Variants in APC2 observed in about 807,000 individuals in gnomAD.
APC2 encodes the protein APC regulator of Wnt signaling pathway 2, also known as adenomatous polyposis coli protein 2.
APC2 carries 41 observed loss-of-function variants against 72.5 expected under a neutral mutation model. The observed-to-expected ratio is 0.57, with a 90% confidence interval of 0.44 to 0.73. APC2 has a LOEUF of 0.73. APC2 is among the 30% of genes least tolerant of loss of function. APC2 has a pLI of 0.00. For missense variants in APC2, 3,729 were observed against 3,403.4 expected (o/e 1.10, Z -2.38); for synonymous variants, 1,898 against 1,612.0 (o/e 1.18, Z -4.25).
chr19:1,454,202 C>T (rs950553942), intron 4 of APC2, among the ~76,000 whole-genome samples: 5 of 152,126 alleles, frequency 3.3e-5, no homozygotes, highest in African/African-American at 1.2e-4. Context: ...GCCGTGTCTC[C>T]CATGAGGTTA....
At chr19:1,448,047 GAC>G (rs1485507116), upstream of APC2, among the ~76,000 whole-genome samples, 2 of 152,148 alleles carry the variant, frequency 1.3e-5, no homozygotes, top group African/African-American at 4.8e-5. Context: ...GCCAGAGAGA[GAC>G]ATGCCCAGGG....
intron 9 of APC2, chr19:1,457,472 T>C (rs2145199732): frequency 1.6e-6 from 1 of 620,406 alleles, no homozygotes; most frequent in Non-Finnish European, 2.7e-6. Flanking sequence ...AATGCATGGA[T>C]GGATCGTGGG....
chr19:1,453,347 G>T lies in APC2; in HGVS notation c.232+10G>T. On this transcript the variant is annotated intron_variant, in intron 3 of 14. Coordinates refer to ENST00000590469, the MANE Select transcript of APC2 (RefSeq NM_005883.3). ...CTGGAGCAGCTGAAGGGTGAGCGGT[G>T]GGGCCACCCGCAGAGGGAGTGGGGG... 1 of 1,609,834 alleles carries T rather than the reference G, an allele frequency of 6.2e-7. No homozygotes were observed. Among genetic ancestry groups the T allele is most frequent in the Non-Finnish European group, 8.5e-7 (1 of 1,178,566 alleles).
Position 1,452,994 on chromosome 19 carries a change from AG to A in APC2, c.-7del, listed in dbSNP as rs1765368591. 2.5e-6 allele frequency: 4 copies of A among 1,610,856 alleles called. No individual in the cohort carries two copies. The highest frequency in any genetic ancestry group is 1.3e-5 in the African/African-American group (1 of 74,824). Reference sequence around the variant, plus strand: ...ACCCTGTGATCCCAGACGCTGCAGGAGCTGAAGATGGCGAGCTCCGTGGCGC... The same window carrying A: ...ACCCTGTGATCCCAGACGCTGCAGGACTGAAGATGGCGAGCTCCGTGGCGC... On this transcript the variant is annotated 5_prime_UTR_variant, in exon 2 of 15. Coordinates refer to ENST00000590469, the MANE Select transcript of APC2 (RefSeq NM_005883.3). The surrounding 1 kb of genome is among the most constrained non-coding windows in gnomAD (Gnocchi z 5.1).
chr19:1,455,383 G>A lies in APC2; in HGVS notation c.523-1G>A, dbSNP rs1297553883. On this transcript the variant is annotated splice_acceptor_variant, in intron 5 of 14. Coordinates refer to ENST00000590469, the MANE Select transcript of APC2 (RefSeq NM_005883.3). LOFTEE classifies it high-confidence loss of function. ...GTGGCCCGCCCGCCTGCCTTTGCCA[G>A]CAGTTCTCGATGCAGATGGACCTGA... 2 of 1,608,100 alleles carry A rather than the reference G, an allele frequency of 1.2e-6. No individual in the cohort carries two copies. The highest frequency in any genetic ancestry group is 1.7e-6 in the Non-Finnish European group (2 of 1,177,876).
In APC2 at chr19:1,456,964, C is replaced by T. The variant is rs1295580242; in HGVS notation, c.928C>T (p.Arg310Cys). The T allele has an allele frequency of 1.6e-5, 24 of 1,541,358 alleles. No homozygotes were observed. The highest frequency in any genetic ancestry group is 4.1e-5 in the African/African-American group (3 of 73,032). Residue 310 changes from arginine (R) to cysteine (C), a missense_variant, in exon 9 of 15, where the codon CGC becomes TGC. Physicochemically the swap from Arg to Cys is radical, Grantham distance 180. Transcript: ENST00000590469. Reference sequence around the variant, plus strand: ...GCCCGAGAGCTGCGTGGCCATGCGCCGCTCGGGCTGTCTGCCTCTGCTGCT... The same window carrying T: ...GCCCGAGAGCTGCGTGGCCATGCGCTGCTCGGGCTGTCTGCCTCTGCTGCT... ...SSPESCVAMR[R>C]SGCLPLLLQI...
In APC2 at chr19:1,456,316, C is replaced by T. The variant is rs375179902; in HGVS notation, c.728C>T (p.Ala243Val). Residue 243 changes from alanine to valine, a missense_variant, in exon 8 of 15, where the codon GCG becomes GTG. Coordinates refer to ENST00000590469, the MANE Select transcript of APC2 (RefSeq NM_005883.3). ...GTGCTCTCCCTGCAGGCCTTGCTGG[C>T]GGTGAAGTCGGTGCCGGTGGACGAG... ...VQQTEPQALL[A>V]VKSVPVDEDP... 4.2e-5 allele frequency: 67 copies of T among 1,607,716 alleles called. No individual in the cohort carries two copies. Among genetic ancestry groups the T allele is most frequent in the Non-Finnish European group, 5.3e-5 (62 of 1,177,962 alleles).
chr19:1,466,179 G>A lies in APC2; in HGVS notation c.2878G>A (p.Gly960Arg), dbSNP rs770571051. Residue 960 changes from glycine (G) to arginine (R), a missense_variant, in exon 15 of 15, where the codon GGG (glycine) becomes AGG (arginine). Physicochemically the swap from Gly to Arg is moderately radical, Grantham distance 125. Coordinates refer to ENST00000590469, the MANE Select transcript of APC2 (RefSeq NM_005883.3). ...TTCGCGCCGCGAGGACCCCAGGTGT[G>A]GGCAGCCTCGGCCCAGCCGGCTTGA... is the stretch of plus-strand genomic sequence containing the variant. Reference protein sequence around the residue: ...LASRREDPRCGQPRPSRLDLD... With the variant: ...LASRREDPRCRQPRPSRLDLD... The A allele has an allele frequency of 2.6e-6, 4 of 1,562,086 alleles. No homozygotes were observed. Among genetic ancestry groups the A allele is most frequent in the East Asian group, 2.4e-5 (1 of 42,466 alleles).
chr19:1,451,351 C>CT (rs1240177388), intron 1 of APC2: 1 of 152,712 alleles, frequency 6.5e-6, no homozygotes, highest in Admixed American at 6.5e-5. Context: ...TTCCACCTGG[C>CT]TGGGCATGGG....
At chr19:1,463,050 C>T (rs1050298264) in intron 14 of APC2, among the ~76,000 whole-genome samples, 12 of 151,786 alleles carry the variant, frequency 7.9e-5, no homozygotes, top group African/African-American at 2.7e-4. Context: ...CCGAGGTGGG[C>T]GGATCACCTG....
chr19:1,459,412 G>T (rs547331340), intron 10 of APC2, among the ~76,000 whole-genome samples: 1 of 152,198 alleles, frequency 6.6e-6, no homozygotes, highest in Non-Finnish European at 1.5e-5. Flanking sequence ...ACATCCCATC[G>T]TGTGCACAGG....
chr19:1,465,500 GCA>G lies in APC2; in HGVS notation c.2201_2202del (p.His734ProfsTer21). ...RALEAELDARHLAQALEHLEK... is the reference protein window; with the variant it reads ...RALEAELDARXLAQALEHLEK... ...CGCTGGAGGCCGAGCTGGACGCACG[GCA>G]CCTCGCGCAGGCGCTGGAGCACCTG... On this transcript the variant is annotated frameshift_variant, in exon 15 of 15. Transcript: ENST00000590469. LOFTEE classifies it low-confidence loss of function (END_TRUNC). The G allele has an allele frequency of 6.6e-7, 1 of 1,524,212 alleles. No homozygotes were observed. Among genetic ancestry groups the G allele is most frequent in the Non-Finnish European group, 8.8e-7 (1 of 1,139,090 alleles). The allele number at this position is 1,524,212 out of a possible 1,614,324, so 94.4% of individuals were successfully genotyped here.
At chr19:1,459,632 G>C (rs1323192703) in intron 10 of APC2, among the ~76,000 whole-genome samples, 2 of 152,228 alleles carry the variant, frequency 1.3e-5, no homozygotes, top group African/African-American at 4.8e-5. Flanking sequence ...TGTCTTTGAA[G>C]AGGGAGAAAA....
intron 7 of APC2, 55 bp downstream of exon 7, chr19:1,456,208 G>C (rs2083822892): frequency 1.3e-6 from 2 of 1,550,094 alleles, no homozygotes; most frequent in African/African-American, 2.7e-5. Flanking sequence ...AGGCAGAACG[G>C]GGCTCCTCGA....
intron 4 of APC2, among the ~76,000 whole-genome samples, chr19:1,453,884 G>A (rs780442238): frequency 6.6e-5 from 10 of 152,180 alleles, no homozygotes; most frequent in Non-Finnish European, 1.3e-4. Flanking sequence ...CCTTGGAGAC[G>A]TCCCCAGGGG....
chr19:1,455,983 C>T, intron 6 of APC2, 93 bp from the exon 7 acceptor site: 1 of 861,972 alleles, frequency 1.2e-6, no homozygotes, highest in Non-Finnish European at 1.5e-6. Flanking sequence ...GAGGCGGGGT[C>T]AGAGCCCAGG....
Position 1,466,062 on chromosome 19 carries a change from A to G in APC2, c.2761A>G (p.Ser921Gly), listed in dbSNP as rs201308289. The change falls in exon 15 of 15, where the codon AGC (serine) becomes GGC (glycine). Residue 921 changes from serine (S) to glycine (G), a missense_variant. Ser to Gly is a moderately conservative substitution (Grantham distance 56). Coordinates refer to ENST00000590469, the MANE Select transcript of APC2 (RefSeq NM_005883.3). ...GCTGCGGCTCAAGGCGGCCCACGCCAGCCTCTCCAACGACAGCCTCAACAG... is the reference window on the plus strand; with the variant it reads ...GCTGCGGCTCAAGGCGGCCCACGCCGGCCTCTCCAACGACAGCCTCAACAG... The part of the protein sequence containing the change: ...PLLRLKAAHA[S>G]LSNDSLNSGS... 8.0e-4 allele frequency: 1,208 copies of G among 1,516,610 alleles called. 2 individuals are homozygous for G. The highest frequency in any genetic ancestry group is 9.9e-4 in the Non-Finnish European group (1,133 of 1,141,976). 93.9% of individuals were successfully genotyped at this position (1,516,610 alleles called of 1,614,324 possible).
rs561291342 is a variant in APC2, at chr19:1,459,311, T to A, written c.1304-870T>A. Among the ~76,000 whole-genome samples, 3 of 151,686 alleles carry A rather than the reference T, an allele frequency of 2.0e-5. No individual in the cohort carries two copies. In the East Asian group the frequency reaches 5.9e-4, roughly 30 times the overall value. Reference sequence around the variant, plus strand: ...CCTCTGCCTCCCGGGTTTAAGCGATTCTCCTGCCTCAGCCTCCCAAAGTGC... The same window carrying A: ...CCTCTGCCTCCCGGGTTTAAGCGATACTCCTGCCTCAGCCTCCCAAAGTGC... On this transcript the variant is annotated intron_variant, in intron 10 of 14. Coordinates refer to ENST00000590469, the MANE Select transcript of APC2 (RefSeq NM_005883.3).
Position 1,466,192 on chromosome 19 carries a change from C to T in APC2, c.2891C>T (p.Pro964Leu). ...GACCCCAGGTGTGGGCAGCCTCGGC[C>T]CAGCCGGCTTGACCTTGACCTGCCC... is the stretch of plus-strand genomic sequence containing the variant. ...REDPRCGQPRPSRLDLDLPGC... is the reference protein window; with the variant it reads ...REDPRCGQPRLSRLDLDLPGC... Residue 964 changes from proline (P) to leucine (L), a missense_variant, in exon 15 of 15, where the codon CCC becomes CTC. By Grantham distance (98) the Pro-to-Leu change is moderately conservative. Transcript: ENST00000590469. The T allele has an allele frequency of 1.9e-6, 3 of 1,559,962 alleles. No individual in the cohort carries two copies. The highest frequency in any genetic ancestry group is 2.6e-6 in the Non-Finnish European group (3 of 1,163,410).
Sources: allele counts gnomAD v4.1 joint callset (sites outside exome capture counted in the v4.1 genomes callset), GRCh38; gene constraint gnomAD v4.1.1; non-coding constraint Gnocchi (gnomAD v3.1); transcripts MANE v1.5; gene names NCBI Gene and HGNC (gene_info 2026-07-23, HGNC 2026-07-21).